C12orf75: variants seen among roughly 807,000 people sequenced by gnomAD.
C12orf75 encodes the protein overexpressed in colon carcinoma 1 protein.
Under a neutral mutation model 11.4 loss-of-function variants are expected in C12orf75, and 4 were observed. The observed-to-expected ratio is 0.35, with a 90% CI of 0.17 to 0.80. C12orf75 has a LOEUF of 0.80. Ranked by LOEUF, C12orf75 falls within the 30% of genes least tolerant of loss-of-function variation. The pLI is 0.52. For missense variants in C12orf75, 89 were observed against 80.4 expected, an observed-to-expected ratio of 1.11 and a Z score of -0.41; for synonymous variants, 30 against 30.0, an observed-to-expected ratio of 1.00 and a Z score of 0.00.
chr12:105,335,554 C>T (rs1199960796), intron 1 of C12orf75, among the ~76,000 whole-genome samples: 1 of 152,148 alleles, frequency 6.6e-6, no homozygotes, highest in Non-Finnish European at 1.5e-5. Flanking sequence ...AGAGCTGATA[C>T]TATGTTTATT....
chr12:105,362,666 C>CAA (rs71072606), intron 2 of C12orf75, among the ~76,000 whole-genome samples: 10 of 105,572 alleles, frequency 9.5e-5, no homozygotes, highest in Admixed American at 9.4e-5. Flanking sequence ...GACTCCGTCT[C>CAA]AAAAAAAAAA....
intron 1 of C12orf75, among the ~76,000 whole-genome samples, chr12:105,336,777 A>G (rs547030911): frequency 3.3e-5 from 5 of 152,110 alleles, no homozygotes; most frequent in Non-Finnish European, 5.9e-5. Context: ...GGAGGTTGCT[A>G]CTCACTCTAA....
At chr12:105,341,441 C>T (rs890076360) in intron 1 of C12orf75, among the ~76,000 whole-genome samples, 1 of 152,194 alleles carries the variant, frequency 6.6e-6, no homozygotes, top group African/African-American at 2.4e-5. Flanking sequence ...GCCCTCCCTT[C>T]AGACTCTAGT....
chr12:105,361,463 T>C (rs893167608), intron 2 of C12orf75, among the ~76,000 whole-genome samples: 2 of 152,128 alleles, frequency 1.3e-5, no homozygotes, highest in African/African-American at 4.8e-5. Flanking sequence ...AAAATAAATT[T>C]AACATCCCAG....
intron 2 of C12orf75, among the ~76,000 whole-genome samples, chr12:105,357,015 A>G (rs1202103240): frequency 6.6e-6 from 1 of 152,230 alleles, no homozygotes; most frequent in African/African-American, 2.4e-5. Flanking sequence ...CACCCACCCC[A>G]AAGAGCAGCC....
chr12:105,357,830 GGAGA>G (rs1391679266), intron 2 of C12orf75, among the ~76,000 whole-genome samples: 1 of 148,086 alleles, frequency 6.8e-6, no homozygotes, highest in African/African-American at 2.5e-5. Context: ...GAGAGAGAGA[GGAGA>G]GAGAGAGAGA....
chr12:105,353,001 C>T (rs890642414), intron 2 of C12orf75, among the ~76,000 whole-genome samples: 7 of 152,180 alleles, frequency 4.6e-5, no homozygotes, highest in Non-Finnish European at 8.8e-5. Flanking sequence ...CTTTCACAAA[C>T]CTGCCAACAT....
chr12:105,354,732 C>T lies in C12orf75; in HGVS notation c.71+6106C>T, dbSNP rs1460841726. On this transcript the variant is annotated intron_variant, in intron 2 of 5. Transcript: ENST00000443585. ...AGCCATGATGAGATTTTCCTTAGGT[C>T]GGACCCTGTGAAATAGGAGCAGGAA... Among the ~76,000 whole-genome samples, 3 of 152,034 alleles carry T rather than the reference C, an allele frequency of 2.0e-5. No individual in the cohort carries two copies. In the South Asian group the frequency reaches 6.2e-4, roughly 32 times the overall value.
chr12:105,337,193 G>A (rs986839848), intron 1 of C12orf75, among the ~76,000 whole-genome samples: 6 of 151,932 alleles, frequency 3.9e-5, no homozygotes, highest in African/African-American at 1.2e-4. Flanking sequence ...GCGTGGTGGC[G>A]CACACCTGTA....
chr12:105,339,490 A>G (rs189324569), intron 1 of C12orf75, among the ~76,000 whole-genome samples: 159 of 151,692 alleles, frequency 1.0e-3, no homozygotes, highest in African/African-American at 3.6e-3. Flanking sequence ...ATGTAACTTA[A>G]TATGTAACTT....
intron 2 of C12orf75, among the ~76,000 whole-genome samples, chr12:105,355,928 A>G (rs1348164224): frequency 5.9e-5 from 9 of 152,230 alleles, no homozygotes; most frequent in Admixed American, 5.2e-4. Context: ...GCTTCTGGAT[A>G]AAGAGAAGTT....
In C12orf75 at chr12:105,341,274, G is replaced by A. The variant is rs145838583; in HGVS notation, c.47-7328G>A. On this transcript the variant is annotated intron_variant, in intron 1 of 5. Transcript: ENST00000443585. Reference sequence around the variant, plus strand: ...CACTACTAGGACACATACAATTTTTGTATGAAACATAAAGAATGTCTGAGA... The same window carrying A: ...CACTACTAGGACACATACAATTTTTATATGAAACATAAAGAATGTCTGAGA... Among the ~76,000 whole-genome samples, 454 of 152,110 alleles carry A rather than the reference G, an allele frequency of 3.0e-3. 4 individuals carry two copies. The highest frequency in any genetic ancestry group is 4.6e-3 in the Non-Finnish European group (316 of 67,974).
chr12:105,333,841 A>G (rs935045209), intron 1 of C12orf75, among the ~76,000 whole-genome samples: 1 of 152,154 alleles, frequency 6.6e-6, no homozygotes, highest in African/African-American at 2.4e-5. Flanking sequence ...CATGGCAAAT[A>G]TTTTTTGATG....
intron 1 of C12orf75, among the ~76,000 whole-genome samples, chr12:105,333,160 T>C (rs1022173211): frequency 6.6e-6 from 1 of 152,228 alleles, no homozygotes; most frequent in Non-Finnish European, 1.5e-5. Flanking sequence ...GCCCTTGTCT[T>C]GGAGAAGCCA....
chr12:105,333,962 T>C (rs1441768781), intron 1 of C12orf75, among the ~76,000 whole-genome samples: 1 of 152,248 alleles, frequency 6.6e-6, no homozygotes. Context: ...TTCCCTGAGA[T>C]AGCAGGATGG....
intron 1 of C12orf75, among the ~76,000 whole-genome samples, chr12:105,346,068 A>G (rs935461913): frequency 4.6e-5 from 7 of 152,184 alleles, no homozygotes; most frequent in Non-Finnish European, 8.8e-5. Flanking sequence ...CAATTCCAGG[A>G]ATCAATTGAT....
chr12:105,336,201 T>C (rs1892497516), intron 1 of C12orf75, among the ~76,000 whole-genome samples: 1 of 152,152 alleles, frequency 6.6e-6, no homozygotes, highest in Non-Finnish European at 1.5e-5. Context: ...GTCGTTCACA[T>C]TGGTTGCAGG....
At chr12:105,342,442 A>G (rs558148419) in intron 1 of C12orf75, among the ~76,000 whole-genome samples, 129 of 152,334 alleles carry the variant, frequency 8.5e-4, no homozygotes, top group Non-Finnish European at 1.7e-3. Context: ...GAGCCCCTCA[A>G]TCTTGGACTT....
rs927430096 is a variant in C12orf75 at position 105,348,592 on chromosome 12, T to C, written c.47-10T>C. 3 of 1,530,936 alleles carry C rather than the reference T, an allele frequency of 2.0e-6. No homozygotes were observed. In the African/African-American group the frequency reaches 4.2e-5, roughly 21 times the overall value. 94.8% of individuals were successfully genotyped at this position (1,530,936 alleles called of 1,614,324 possible). ...ACACCAATACAAACCTATCTTCTTT[T>C]TTTCTCTAGGCCCTGCAGGAGCAGC... On this transcript the variant is annotated splice_polypyrimidine_tract_variant and intron_variant, in intron 1 of 5. Transcript: ENST00000443585.
Sources: allele counts gnomAD v4.1 joint callset (sites outside exome capture counted in the v4.1 genomes callset), GRCh38; gene constraint gnomAD v4.1.1; transcripts MANE v1.5; gene names NCBI Gene and HGNC (gene_info 2026-07-23, HGNC 2026-07-21).